CD109: variants seen among roughly 807,000 people sequenced by gnomAD.
CD109 encodes the protein CD109 antigen.
In CD109, 149 loss-of-function variants were observed where a neutral mutation model predicts 165.8. The observed-to-expected ratio is 0.90, with a 90% CI of 0.79 to 1.03. CD109 has a LOEUF of 1.03. Ranked by LOEUF, CD109 falls within the 50% of genes least tolerant of loss-of-function variation. The pLI is 0.00. For missense variants in CD109, 1,712 were observed against 1,677.8 expected, an observed-to-expected ratio of 1.02 and a Z score of -0.36; for synonymous variants, 585 against 592.1, an observed-to-expected ratio of 0.99 and a Z score of 0.18.
the CD109 span, among the ~76,000 whole-genome samples, chr6:73,685,171 G>A: frequency 6.6e-6 from 1 of 151,972 alleles, no homozygotes; most frequent in African/African-American, 2.4e-5. Flanking sequence ...CAAAGTGCTG[G>A]GATTATAGGC....
At chr6:73,812,161 A>G (rs975985811) in intron 28 of CD109, 44 bp from the exon 29 acceptor site, 9 of 1,296,922 alleles carry the variant, frequency 6.9e-6, no homozygotes, top group East Asian at 6.9e-5. Context: ...AAGGATCTAG[A>G]TATGGAAAAT....
chr6:73,789,470 T>C (rs962081298), intron 22 of CD109, among the ~76,000 whole-genome samples: 6 of 152,112 alleles, frequency 3.9e-5, no homozygotes, highest in African/African-American at 1.4e-4. Context: ...TTTTTTTTTT[T>C]TGAGGCGGAG....
Position 73,792,757 on chromosome 6 carries a change from C to G in CD109, c.2833C>G (p.Leu945Val). ...ILDYLTKKKQ[L>V]TDNLKEKALS... ...GGATTATCTGACTAAAAAGAAACAA[C>G]TGACAGATAATTTGAAAGAAAAAGC... The change falls in exon 23 of 33, where the codon CTG becomes GTG. Residue 945 changes from leucine (L) to valine (V), a missense_variant. Leu to Val is a conservative substitution (Grantham distance 32, BLOSUM62 1). Coordinates refer to ENST00000287097, the MANE Select transcript of CD109 (RefSeq NM_133493.5). The G allele has an allele frequency of 6.2e-6, 10 of 1,611,914 alleles. No individual in the cohort carries two copies. Among genetic ancestry groups the G allele is most frequent in the Non-Finnish European group, 8.5e-6 (10 of 1,179,614 alleles).
At position 73,814,979 on chromosome 6, in the gene CD109, A is replaced by G. The variant is rs767672751; in HGVS notation, c.3769-2A>G. The stretch of plus-strand genomic sequence containing the variant: ...TTATTTATGCTAGTTTATTTTTTAC[A>G]GCTCAATGTTGTATATAATGTGAAG... On this transcript the variant is annotated splice_acceptor_variant, in intron 29 of 32. Transcript: ENST00000287097. LOFTEE classifies it high-confidence loss of function. The G allele has an allele frequency of 1.3e-6, 2 of 1,481,508 alleles. No individual in the cohort carries two copies. 91.8% of individuals were successfully genotyped at this position (1,481,508 alleles called of 1,614,324 possible).
chr6:73,812,280 G>A lies in CD109; in HGVS notation c.3768+10G>A, dbSNP rs745597999. The A allele has an allele frequency of 8.3e-6, 13 of 1,568,312 alleles. No individual in the cohort carries two copies. The highest frequency in any genetic ancestry group is 5.8e-5 in the South Asian group (5 of 85,546). On this transcript the variant is annotated intron_variant, in intron 29 of 32. Transcript: ENST00000287097. ...ATTTGCTATTTGTCAGGTATGTAAC[G>A]ATGCTTATTTTTTTAAGTTAAATAT...
At position 73,791,136 on chromosome 6, in the gene CD109, CATATATATATATATATAT is replaced by C. The variant is rs61429872; in HGVS notation, c.2702-1466_2702-1449del. On this transcript the variant is annotated intron_variant, in intron 22 of 32. Transcript: ENST00000287097. Reference sequence around the variant, plus strand: ...TTGGAGGCATATATATACATACATACATATATATATATATATATATATATATATATATATATATATACA... The same window carrying C: ...TTGGAGGCATATATATACATACATACATATATATATATATATATATATACA... Among the ~76,000 whole-genome samples the C allele has an allele frequency of 2.1e-4, 12 of 56,346 alleles. 1 individual carries two copies. The highest frequency in any genetic ancestry group is 9.1e-4 in the East Asian group (1 of 1,100). The allele number at this position is 56,346 out of a possible 152,430, so 37.0% of individuals were successfully genotyped here. A position where few individuals can be genotyped will look rare whatever the true frequency, so the allele number is the denominator to read the frequency against.
chr6:73,692,256 G>A (rs1770703525), upstream of CD109, among the ~76,000 whole-genome samples: 1 of 152,168 alleles, frequency 6.6e-6, no homozygotes, highest in African/African-American at 2.4e-5. Flanking sequence ...CACAGGAACA[G>A]TGTGGGGTTC....
intron 14 of CD109, among the ~76,000 whole-genome samples, chr6:73,769,292 A>G (rs1372601053): frequency 2.6e-5 from 4 of 152,212 alleles, no homozygotes; most frequent in Admixed American, 2.6e-4. Context: ...TAAAAAGATA[A>G]CACTGTGTTT....
chr6:73,788,557 C>G lies in CD109; in HGVS notation c.2646C>G (p.Phe882Leu). 2 of 1,613,636 alleles carry G rather than the reference C, an allele frequency of 1.2e-6. No homozygotes were observed. Among genetic ancestry groups the G allele is most frequent in the Non-Finnish European group, 1.7e-6 (2 of 1,179,806 alleles). ...AGAGTACCCTGAAAACTTTGAGTTT[C>G]TCATTTCCTCCTAATACAGTGACTG... ...RLQSTLKTLS[F>L]SFPPNTVTGS... The change falls in exon 22 of 33, where the codon TTC becomes TTG. Residue 882 changes from phenylalanine (F) to leucine (L), a missense_variant. Phe to Leu is a conservative substitution (Grantham distance 22). Coordinates refer to ENST00000287097, the MANE Select transcript of CD109 (RefSeq NM_133493.5).
chr6:73,736,467 C>T lies in CD109; in HGVS notation c.592C>T (p.His198Tyr). 4 of 1,613,578 alleles carry T rather than the reference C, an allele frequency of 2.5e-6. No homozygotes were observed. In the South Asian group the frequency reaches 3.3e-5, roughly 13 times the overall value. The change falls in exon 5 of 33, where the codon CAT becomes TAT. Residue 198 changes from histidine to tyrosine, a missense_variant. His to Tyr is a moderately conservative substitution (Grantham distance 83, BLOSUM62 2). Transcript: ENST00000287097. The part of the protein sequence containing the change: ...VISKTFQLSS[H>Y]PILGDWSIQV... ...TTCCAAAACTTTTCAGCTATCTTCC[C>T]ATCCAATACTTGGTGACTGGTCTAT... is the stretch of plus-strand genomic sequence containing the variant.
chr6:73,688,761 G>GGT, the CD109 span, among the ~76,000 whole-genome samples: 4 of 73,528 alleles, frequency 5.4e-5, no homozygotes, highest in African/African-American at 1.9e-4. Flanking sequence ...GTTTTTCTTT[G>GGT]TTTTTTTTTT....
In CD109 at chr6:73,792,817, G is replaced by A; in HGVS notation, c.2878+15G>A. 6.3e-7 allele frequency: 1 copy of A among 1,589,314 alleles called. No homozygotes were observed. Among genetic ancestry groups the A allele is most frequent in the Non-Finnish European group, 8.5e-7 (1 of 1,173,210 alleles). On this transcript the variant is annotated intron_variant, in intron 23 of 32. Coordinates refer to ENST00000287097, the MANE Select transcript of CD109 (RefSeq NM_133493.5). Reference sequence around the variant, plus strand: ...TATGAGGCAAGGTAAGCATTTTAGAGACCTACATTTGTTCGTAGAAAAAAA... The same window carrying A: ...TATGAGGCAAGGTAAGCATTTTAGAAACCTACATTTGTTCGTAGAAAAAAA...
rs1335643839 is a variant in CD109, at chr6:73,766,610, T to C, written c.1333-149T>C. The C allele has an allele frequency of 6.8e-6, 4 of 591,020 alleles. No individual in the cohort carries two copies. The Admixed American group carries it at 9.0e-5, about 13-fold the overall frequency. The allele number at this position is 591,020 out of a possible 1,614,324, so 36.6% of individuals were successfully genotyped here. On this transcript the variant is annotated intron_variant, in intron 11 of 32. Coordinates refer to ENST00000287097, the MANE Select transcript of CD109 (RefSeq NM_133493.5). Reference sequence around the variant, plus strand: ...CTTTACAGTATAAGCTATAAAATGATGAAAATCCAATGTCTGGTGAATGTA... The same window carrying C: ...CTTTACAGTATAAGCTATAAAATGACGAAAATCCAATGTCTGGTGAATGTA...
chr6:73,781,016 T>G (rs1774471636), intron 16 of CD109, among the ~76,000 whole-genome samples: 1 of 150,758 alleles, frequency 6.6e-6, no homozygotes, highest in Non-Finnish European at 1.5e-5. Flanking sequence ...CGTGTGTGTG[T>G]GTGTTTGAGT....
At chr6:73,684,240 G>A in the CD109 span, among the ~76,000 whole-genome samples, 1 of 138,934 alleles carries the variant, frequency 7.2e-6, no homozygotes, top group Non-Finnish European at 1.5e-5. Flanking sequence ...TTTTTTTTGA[G>A]ACAGGGTCTT....
At chr6:73,792,827 T>C (rs773693398) in intron 23 of CD109, 25 bp downstream of exon 23, 15 of 1,571,822 alleles carry the variant, frequency 9.5e-6, no homozygotes, top group Non-Finnish European at 1.2e-5. Context: ...GACCTACATT[T>C]GTTCGTAGAA....
chr6:73,787,418 C>T lies in CD109; in HGVS notation c.2522C>T (p.Ala841Val). The stretch of plus-strand genomic sequence containing the variant: ...ACAGTCACAGCTCTTTCACCCACTG[C>T]TTCTGATGCTGTCACCCAGATGATT... ...PITVTALSPT[A>V]SDAVTQMILV... Residue 841 changes from alanine (A) to valine (V), a missense_variant, in exon 21 of 33, where the codon GCT becomes GTT. Transcript: ENST00000287097. 1 of 1,613,708 alleles carries T rather than the reference C, an allele frequency of 6.2e-7. No homozygotes were observed. The highest frequency in any genetic ancestry group is 8.5e-7 in the Non-Finnish European group (1 of 1,179,662).
Position 73,806,906 on chromosome 6 carries a change from A to G in CD109, c.3023A>G (p.Asn1008Ser), listed in dbSNP as rs1178669497. 1 of 1,613,960 alleles carries G rather than the reference A, an allele frequency of 6.2e-7. No individual in the cohort carries two copies. The highest frequency in any genetic ancestry group is 1.1e-5 in the South Asian group (1 of 91,064). The change falls in exon 25 of 33, where the codon AAT (asparagine) becomes AGT (serine). Residue 1008 changes from asparagine to serine, a missense_variant. Coordinates refer to ENST00000287097, the MANE Select transcript of CD109 (RefSeq NM_133493.5). ...EADPYIDIDQNVLHRTYTWLK... is the reference protein window; with the variant it reads ...EADPYIDIDQSVLHRTYTWLK... ...GATCCTTACATAGATATTGATCAGA[A>G]TGTGTTACACAGAACATACACTTGG...
intron 2 of CD109, among the ~76,000 whole-genome samples, chr6:73,719,206 A>G (rs1443331369): frequency 6.6e-6 from 1 of 152,218 alleles, no homozygotes; most frequent in African/African-American, 2.4e-5. Flanking sequence ...AGGCTCCTGT[A>G]TGTGACTGAG....
Sources: allele counts gnomAD v4.1 joint callset (sites outside exome capture counted in the v4.1 genomes callset), GRCh38; gene constraint gnomAD v4.1.1; transcripts MANE v1.5; gene names NCBI Gene and HGNC (gene_info 2026-07-23, HGNC 2026-07-21).